LYRM4: variants seen among roughly 807,000 people sequenced by gnomAD.
LYRM4 encodes the protein LYR motif containing 4, also known as LYR motif-containing protein 4.
Under a neutral mutation model 11.7 loss-of-function variants are expected in LYRM4, and 9 were observed. The ratio of observed to expected loss-of-function variants is 0.77; its 90% CI spans 0.46 to 1.34. The LOEUF (loss-of-function observed/expected upper bound fraction) is 1.34. LYRM4 is among the 40% of genes most tolerant of loss of function. LYRM4 has a pLI of 0.00. For synonymous variants in LYRM4, 42 were observed against 40.4 expected, an observed-to-expected ratio of 1.04 and a Z score of -0.15; for missense variants, 133 against 112.5, an observed-to-expected ratio of 1.18 and a Z score of -0.82.
chr6:5,153,575 G>C (rs978861441), intron 2 of LYRM4, among the ~76,000 whole-genome samples: 2 of 152,182 alleles, frequency 1.3e-5, no homozygotes, highest in African/African-American at 4.8e-5. Flanking sequence ...TTGTGAAAGA[G>C]GCAATCACCA....
At chr6:5,240,476 T>C (rs1415734309) in intron 1 of LYRM4, 1 of 152,114 alleles carries the variant, frequency 6.6e-6, no homozygotes. Context: ...GGGAGAAATA[T>C]CTATTAAAAT....
At chr6:5,248,589 CTGTT>C (rs1306752915) in intron 1 of LYRM4, among the ~76,000 whole-genome samples, 1 of 152,168 alleles carries the variant, frequency 6.6e-6, no homozygotes, top group East Asian at 1.9e-4. Context: ...ACCAACTACA[CTGTT>C]TGTTTCTCAT....
At chr6:5,208,536 A>C (rs1194918918) in intron 2 of LYRM4, among the ~76,000 whole-genome samples, 1 of 152,246 alleles carries the variant, frequency 6.6e-6, no homozygotes, top group Non-Finnish European at 1.5e-5. Context: ...ATGGAAATAC[A>C]CTAAAGGAAA....
the LYRM4 span, among the ~76,000 whole-genome samples, chr6:5,041,538 G>A: frequency 1.3e-5 from 2 of 152,172 alleles, no homozygotes. Context: ...TTTTACTATA[G>A]GAGTGTAATA....
chr6:5,248,241 T>C (rs1414361998), intron 1 of LYRM4, among the ~76,000 whole-genome samples: 1 of 152,260 alleles, frequency 6.6e-6, no homozygotes, highest in African/African-American at 2.4e-5. Context: ...ATTCTGTTTA[T>C]CAACATACCT....
intron 2 of LYRM4, among the ~76,000 whole-genome samples, chr6:5,144,641 A>G (rs1006969435): frequency 1.3e-5 from 2 of 151,194 alleles, no homozygotes; most frequent in African/African-American, 4.8e-5. Flanking sequence ...AAAAAAAAAA[A>G]AAAAAAAAAA....
chr6:5,232,314 C>T (rs934363962), intron 1 of LYRM4, among the ~76,000 whole-genome samples: 1 of 152,220 alleles, frequency 6.6e-6, no homozygotes, highest in African/African-American at 2.4e-5. Flanking sequence ...GGAAAACTGC[C>T]TGCTTGACTG....
downstream of LYRM4, among the ~76,000 whole-genome samples, chr6:5,100,831 G>A (rs904327445): frequency 1.3e-5 from 2 of 152,208 alleles, no homozygotes; most frequent in East Asian, 1.9e-4. Flanking sequence ...GGATCAAAGT[G>A]CTGGTGTTAT....
chr6:5,037,621 G>A, the LYRM4 span, among the ~76,000 whole-genome samples: 49 of 64,968 alleles, frequency 7.5e-4, no homozygotes, highest in Non-Finnish European at 1.0e-3. Context: ...CGGACGGGGC[G>A]GCTGGCCGGG....
At chr6:5,090,366 G>T in the LYRM4 span, among the ~76,000 whole-genome samples, 1 of 152,128 alleles carries the variant, frequency 6.6e-6, no homozygotes, top group Non-Finnish European at 1.5e-5. The surrounding 1 kb of genome is among the most constrained non-coding windows in gnomAD (Gnocchi z 4.8). Context: ...TATTCTCCCC[G>T]GGAAGCTTCC....
intron 2 of LYRM4, among the ~76,000 whole-genome samples, chr6:5,132,413 A>AAAAAAC (rs112742488): frequency 0.019 from 2,867 of 152,250 alleles, 40 homozygotes; most frequent in Middle Eastern, 0.068. Context: ...TAGCACTTAA[A>AAAAAAC]AAAAACAAAA....
At chr6:5,047,150 A>G in the LYRM4 span, among the ~76,000 whole-genome samples, 1 of 152,158 alleles carries the variant, frequency 6.6e-6, no homozygotes, top group Non-Finnish European at 1.5e-5. Flanking sequence ...ACACAAAGTC[A>G]CAGATTCAGG....
At chr6:5,109,920 G>A (rs1762802686) in intron 2 of LYRM4, among the ~76,000 whole-genome samples, 1 of 151,904 alleles carries the variant, frequency 6.6e-6, no homozygotes, top group Non-Finnish European at 1.5e-5. Context: ...GGTAGGAAAA[G>A]CGCTGCATTC....
At chr6:5,076,519 C>T in the LYRM4 span, among the ~76,000 whole-genome samples, 5 of 152,218 alleles carry the variant, frequency 3.3e-5, no homozygotes, top group East Asian at 1.9e-4. Context: ...CTCTGTGCTG[C>T]GAGCAGCAGT....
At chr6:5,170,848 T>C (rs1228286084) in intron 2 of LYRM4, among the ~76,000 whole-genome samples, 1 of 152,236 alleles carries the variant, frequency 6.6e-6, no homozygotes, top group African/African-American at 2.4e-5. Context: ...ACAAAGGTGT[T>C]CATCATAGCA....
chr6:5,099,137 T>C (rs1391585772), downstream of LYRM4, among the ~76,000 whole-genome samples: 2 of 152,084 alleles, frequency 1.3e-5, no homozygotes. This position sits in a 1 kb window ranked among gnomAD's most constrained non-coding sequence, Gnocchi z 4.3. Flanking sequence ...ATCTGGGCAG[T>C]GCATCTGCTT....
chr6:5,085,483 G>A, the LYRM4 span: 3 of 1,532,342 alleles, frequency 2.0e-6, no homozygotes, highest in South Asian at 1.2e-5. Flanking sequence ...GGCGAACGGC[G>A]TCATGGAGCC....
chr6:5,226,668 C>T (rs1447544021), intron 1 of LYRM4, among the ~76,000 whole-genome samples: 1 of 152,242 alleles, frequency 6.6e-6, no homozygotes, highest in Non-Finnish European at 1.5e-5. Flanking sequence ...TGAGCCACCG[C>T]GCCTGGCCCA....
chr6:5,074,819 T>C, the LYRM4 span, among the ~76,000 whole-genome samples: 3,835 of 152,138 alleles, frequency 0.025, 161 homozygotes, highest in African/African-American at 0.088. Flanking sequence ...ATGGTGATAC[T>C]GTTTTTCTGT....
Sources: gnomAD v4.1 joint callset for allele counts (sites outside exome capture counted in the v4.1 genomes callset) on GRCh38, gnomAD v4.1.1 for gene constraint, Gnocchi (gnomAD v3.1) non-coding constraint, MANE v1.5 for transcripts, NCBI Gene and HGNC (gene_info 2026-07-23, HGNC 2026-07-21) for gene names.